SULT2B1: variants seen among roughly 807,000 people sequenced by gnomAD.
SULT2B1 encodes the protein sulfotransferase family 2B member 1, also known as sulfotransferase 2B1.
A neutral mutation model predicts 33.2 loss-of-function variants in SULT2B1; 16 were observed. That is an observed-to-expected ratio of 0.48 (90% CI 0.33 to 0.73). The LOEUF is 0.73. Among genes scored for constraint, SULT2B1 ranks in the 30% least tolerant of loss-of-function variants. SULT2B1 has a pLI of 0.02. For missense variants in SULT2B1, 500 were observed against 506.0 expected, an observed-to-expected ratio of 0.99 and a Z score of 0.11; for synonymous variants, 186 against 200.5, an observed-to-expected ratio of 0.93 and a Z score of 0.61.
chr19:48,595,215 G>C (rs1973694514), intron 5 of SULT2B1, among the ~76,000 whole-genome samples: 1 of 152,114 alleles, frequency 6.6e-6, no homozygotes, highest in Non-Finnish European at 1.5e-5. Context: ...CCGGGAGGCA[G>C]AGGTTGCGGT....
intron 1 of SULT2B1, among the ~76,000 whole-genome samples, chr19:48,572,630 G>A (rs1973346141): frequency 6.6e-6 from 1 of 152,178 alleles, no homozygotes; most frequent in East Asian, 1.9e-4. Flanking sequence ...TCTGCAGCAA[G>A]GAGGCCAGAG....
At chr19:48,575,039 G>A (rs1973385061) in intron 1 of SULT2B1, among the ~76,000 whole-genome samples, 1 of 149,390 alleles carries the variant, frequency 6.7e-6, no homozygotes, top group African/African-American at 2.5e-5. Flanking sequence ...GCATGAAATA[G>A]CCATAATAAT....
intron 1 of SULT2B1, among the ~76,000 whole-genome samples, chr19:48,559,761 G>C (rs766897347): frequency 4.6e-5 from 7 of 152,106 alleles, no homozygotes; most frequent in Non-Finnish European, 8.8e-5. Flanking sequence ...GGTGTGGCCA[G>C]TTACTTACGT....
Position 48,566,250 on chromosome 19 carries a change from C to T in SULT2B1, c.72-9691C>T, listed in dbSNP as rs368948146. On this transcript the variant is annotated intron_variant, in intron 1 of 6. Transcript: ENST00000201586. ...AATATTTTATTGTTATTTGTAGAGA[C>T]GGAGTCTCACTATGTTGTCTAGGCT... Among the ~76,000 whole-genome samples, 551 of 151,834 alleles carry T rather than the reference C, an allele frequency of 3.6e-3. 1 individual carries two copies. Among genetic ancestry groups the T allele is most frequent in the Non-Finnish European group, 6.4e-3 (432 of 67,958 alleles).
chr19:48,555,903 C>A (rs1165352037), intron 1 of SULT2B1, among the ~76,000 whole-genome samples: 2 of 152,008 alleles, frequency 1.3e-5, no homozygotes, highest in East Asian at 1.9e-4. Flanking sequence ...CCATGCCCGG[C>A]TAATTTTTTG....
At chr19:48,590,477 C>A (rs891832964) in intron 3 of SULT2B1, among the ~76,000 whole-genome samples, 5 of 152,038 alleles carry the variant, frequency 3.3e-5, no homozygotes, top group Admixed American at 1.3e-4. Flanking sequence ...TGGCACCCAC[C>A]TGTAGTCCCA....
At chr19:48,592,857 C>T (rs1310737337) in intron 5 of SULT2B1, 41 bp downstream of exon 5, 3 of 1,511,696 alleles carry the variant, frequency 2.0e-6, no homozygotes, top group Middle Eastern at 1.7e-4. Context: ...CCCCCCCATA[C>T]CCTCTGCTCA....
intron 5 of SULT2B1, 35 bp downstream of exon 5, chr19:48,592,851 C>G (rs1601112172): frequency 6.5e-7 from 1 of 1,526,820 alleles, no homozygotes; most frequent in Non-Finnish European, 8.9e-7. Context: ...CAGCGTCCCC[C>G]CCATACCCTC....
intron 2 of SULT2B1, 67 bp downstream of exon 2, chr19:48,576,150 A>G (rs1464393184): frequency 7.2e-7 from 1 of 1,397,600 alleles, no homozygotes; most frequent in Non-Finnish European, 9.9e-7. Flanking sequence ...GAGGACAGGA[A>G]AGGCACATAG....
At chr19:48,564,275 C>T (rs941196747) in intron 1 of SULT2B1, among the ~76,000 whole-genome samples, 1 of 149,730 alleles carries the variant, frequency 6.7e-6, no homozygotes, top group East Asian at 2.0e-4. Context: ...AAAAATAGGT[C>T]GGGTGCAGTG....
rs1428072089 is a variant in SULT2B1, at chr19:48,567,909, A to G, written c.72-8032A>G. Among the ~76,000 whole-genome samples, 3 of 151,994 alleles carry G rather than the reference A, an allele frequency of 2.0e-5. No homozygotes were observed. The East Asian group carries it at 5.8e-4, about 29-fold the overall frequency. On this transcript the variant is annotated intron_variant, in intron 1 of 6. Coordinates refer to ENST00000201586, the MANE Select transcript of SULT2B1 (RefSeq NM_177973.2). ...AAAATCACTTGAGCCTAGGAGACTG[A>G]GGCTGCAGTAAGCTGTGACCGCATC...
At chr19:48,572,548 C>T (rs1973345278) in intron 1 of SULT2B1, among the ~76,000 whole-genome samples, 1 of 150,544 alleles carries the variant, frequency 6.6e-6, no homozygotes, top group African/African-American at 2.5e-5. Flanking sequence ...GATATCTGAC[C>T]TGTGTCGAGG....
intron 2 of SULT2B1, among the ~76,000 whole-genome samples, chr19:48,577,110 T>C (rs867091403): frequency 7.2e-6 from 1 of 138,832 alleles, no homozygotes; most frequent in Non-Finnish European, 1.5e-5. Flanking sequence ...CTCAGCTCAC[T>C]GTAACCTCTG....
intron 5 of SULT2B1, 55 bp downstream of exon 5, chr19:48,592,871 C>T (rs1024263572): frequency 1.6e-5 from 23 of 1,439,844 alleles, no homozygotes; most frequent in East Asian, 1.2e-4. Context: ...CTGCTCACAC[C>T]CCACACTCTC....
At chr19:48,589,516 G>A (rs919337650) in intron 3 of SULT2B1, among the ~76,000 whole-genome samples, 2 of 152,250 alleles carry the variant, frequency 1.3e-5, no homozygotes, top group South Asian at 4.2e-4. Flanking sequence ...TATCGCCAAG[G>A]AATTGAGCGT....
intron 1 of SULT2B1, among the ~76,000 whole-genome samples, chr19:48,571,059 A>C (rs1377334043): frequency 6.7e-6 from 1 of 150,312 alleles, no homozygotes; most frequent in African/African-American, 2.5e-5. Flanking sequence ...TTGCTTTGTC[A>C]CCCAGGCTGG....
At chr19:48,556,960 A>G (rs953003355) in intron 1 of SULT2B1, among the ~76,000 whole-genome samples, 4 of 151,478 alleles carry the variant, frequency 2.6e-5, no homozygotes, top group Non-Finnish European at 5.9e-5. Flanking sequence ...AAAAAAAAAA[A>G]AGTTGTCCTA....
intron 1 of SULT2B1, among the ~76,000 whole-genome samples, chr19:48,554,965 C>G (rs1456225603): frequency 6.6e-6 from 1 of 152,076 alleles, no homozygotes; most frequent in African/African-American, 2.4e-5. Context: ...GGATGATGAG[C>G]AAGACCAGGA....
Position 48,552,425 on chromosome 19 carries a change from C to G in SULT2B1, c.71+102C>G. 7.7e-7 allele frequency: 1 copy of G among 1,302,436 alleles called. No individual in the cohort carries two copies. Among genetic ancestry groups the G allele is most frequent in the East Asian group, 2.5e-5 (1 of 40,048 alleles). 80.7% of individuals were successfully genotyped at this position (1,302,436 alleles called of 1,614,324 possible). A position where few individuals can be genotyped will look rare whatever the true frequency, so the allele number is the denominator to read the frequency against. On this transcript the variant is annotated intron_variant, in intron 1 of 6. Coordinates refer to ENST00000201586, the MANE Select transcript of SULT2B1 (RefSeq NM_177973.2). The surrounding 1 kb of genome is among the most constrained non-coding windows in gnomAD (Gnocchi z 4.8). ...AAGGGTGGCCTCCAGCCACCCGCAG[C>G]CGCAGGCCTGGCCCAGACTTAGCTG...
Sources: allele counts gnomAD v4.1 joint callset (sites outside exome capture counted in the v4.1 genomes callset), GRCh38; gene constraint gnomAD v4.1.1; non-coding constraint Gnocchi (gnomAD v3.1); transcripts MANE v1.5; gene names NCBI Gene and HGNC (gene_info 2026-07-23, HGNC 2026-07-21).